Variants in DAB1 observed in about 807,000 individuals in gnomAD.
DAB1 encodes DAB adaptor protein 1.
Under a neutral mutation model 64.6 loss-of-function variants are expected in DAB1, and 15 were observed. The observed-to-expected ratio is 0.23, with a 90% CI of 0.16 to 0.36. The LOEUF (loss-of-function observed/expected upper bound fraction) is 0.36, where lower values mean the gene tolerates loss of function less well. Ranked by LOEUF, DAB1 falls within the 10% of genes least tolerant of loss-of-function variation. The pLI, the probability that DAB1 is intolerant of heterozygous loss-of-function variation, is 1.00. For missense variants in DAB1, 596 were observed against 706.7 expected (o/e 0.84, Z 1.78); for synonymous variants, 235 against 251.9 (o/e 0.93, Z 0.64).
At chr1:57,285,608 C>T (rs937835634) in intron 2 of DAB1, among the ~76,000 whole-genome samples, 1 of 152,118 alleles carries the variant, frequency 6.6e-6, no homozygotes, top group Admixed American at 6.6e-5. Context: ...AATATTCACA[C>T]ACACATAAAA....
chr1:57,443,478 A>C (rs1210535958), intron 7 of DAB1, among the ~76,000 whole-genome samples: 1 of 152,158 alleles, frequency 6.6e-6, no homozygotes, highest in Non-Finnish European at 1.5e-5. Flanking sequence ...ATCTTCATGA[A>C]ATGACCTTCC....
At chr1:57,221,268 G>A (rs573098166) in intron 2 of DAB1, among the ~76,000 whole-genome samples, 1 of 151,842 alleles carries the variant, frequency 6.6e-6, no homozygotes, top group East Asian at 1.9e-4. Context: ...GATGGGGGAG[G>A]GATAGCATTA....
At chr1:57,689,104 C>T (rs532421332) in intron 6 of DAB1, among the ~76,000 whole-genome samples, 19 of 152,200 alleles carry the variant, frequency 1.2e-4, no homozygotes, top group Admixed American at 9.8e-4. Flanking sequence ...GAAAGCAAAA[C>T]ATTTTGAGGG....
intron 4 of DAB1, among the ~76,000 whole-genome samples, chr1:58,246,905 G>A (rs557656958): frequency 4.7e-4 from 72 of 151,832 alleles, no homozygotes; most frequent in Admixed American, 1.6e-3. Context: ...GTGTGTGTAC[G>A]GTGTGAGCAT....
At chr1:57,027,486 C>A (rs1646829596) in intron 9 of DAB1, among the ~76,000 whole-genome samples, 1 of 152,230 alleles carries the variant, frequency 6.6e-6, no homozygotes. Context: ...GTCTACCTTT[C>A]TTTACCCACA....
At chr1:57,679,459 T>C (rs6696405) in intron 6 of DAB1, among the ~76,000 whole-genome samples, 2,056 of 152,336 alleles carry the variant, frequency 0.013, 66 homozygotes, top group African/African-American at 0.047. Context: ...CTCTTCATCA[T>C]CTTTAGCCAC....
intron 7 of DAB1, among the ~76,000 whole-genome samples, chr1:57,520,861 A>G (rs1431511772): frequency 6.6e-6 from 1 of 152,050 alleles, no homozygotes; most frequent in Non-Finnish European, 1.5e-5. Flanking sequence ...TCCTTGAGCT[A>G]AGTTTTGGCA....
At position 58,275,065 on chromosome 1, in the gene DAB1, G is replaced by A. The variant is rs935090281; in HGVS notation, n.309+68287C>T. Among the ~76,000 whole-genome samples, 7 of 152,318 alleles carry A rather than the reference G, an allele frequency of 4.6e-5. No individual in the cohort carries two copies. In the East Asian group the frequency reaches 1.4e-3, roughly 29 times the overall value. ...AAATGATTTTTAACAAAGGTGCCAA[G>A]AACACTTAATAAGGAGAGGACAATC... On this transcript the variant is annotated intron_variant and non_coding_transcript_variant, in intron 4 of 20. Transcript: ENST00000485760.
chr1:57,824,015 G>C (rs1652238604), downstream of DAB1, among the ~76,000 whole-genome samples: 1 of 152,168 alleles, frequency 6.6e-6, no homozygotes, highest in Non-Finnish European at 1.5e-5. Flanking sequence ...ATAATGTGCT[G>C]CTGATGATAA....
chr1:58,345,621 T>C (rs1643987949), intron 3 of DAB1, among the ~76,000 whole-genome samples: 1 of 152,080 alleles, frequency 6.6e-6, no homozygotes, highest in Admixed American at 6.5e-5. Flanking sequence ...ACGGGAAGAT[T>C]TGCATGACTG....
rs200507029 is a variant in DAB1 at position 58,452,129 on chromosome 1, TC to T, written n.257+53930del. Among the ~76,000 whole-genome samples, 1,125 of 152,042 alleles carry T rather than the reference TC, an allele frequency of 7.4e-3. 19 individuals carry two copies. The highest frequency in any genetic ancestry group is 0.03 in the East Asian group (153 of 5,140). ...TGTGTTTTTAGTTGAGAGGGGGGTTTCGCCACGTTGGTCAGGCTGGTCTCGA... is the reference window on the plus strand; with the variant it reads ...TGTGTTTTTAGTTGAGAGGGGGGTTTGCCACGTTGGTCAGGCTGGTCTCGA... On this transcript the variant is annotated intron_variant and non_coding_transcript_variant, in intron 3 of 20. Coordinates refer to the DAB1 transcript ENST00000485760.
chr1:57,779,422 G>A (rs1210053761), intron 6 of DAB1, among the ~76,000 whole-genome samples: 2 of 152,124 alleles, frequency 1.3e-5, no homozygotes, highest in African/African-American at 4.8e-5. Context: ...GAGCTGCAGA[G>A]GCCAAACTTA....
At chr1:57,258,825 G>C (rs1326211583) in intron 2 of DAB1, among the ~76,000 whole-genome samples, 1 of 152,098 alleles carries the variant, frequency 6.6e-6, no homozygotes, top group Non-Finnish European at 1.5e-5. Context: ...CAATATGTCA[G>C]CATGATGTCA....
At chr1:57,783,112 T>TTC (rs1429874435) in intron 6 of DAB1, among the ~76,000 whole-genome samples, 3 of 143,550 alleles carry the variant, frequency 2.1e-5, no homozygotes, top group African/African-American at 7.7e-5. Context: ...TTTTCTTTTT[T>TTC]TTTTTTTTTT....
At chr1:58,248,199 C>G (rs1660640890) in intron 4 of DAB1, among the ~76,000 whole-genome samples, 1 of 152,178 alleles carries the variant, frequency 6.6e-6, no homozygotes. Flanking sequence ...TATCACCAGG[C>G]AGTCTTCCAG....
chr1:57,915,284 T>C (rs1420689467), intron 5 of DAB1, among the ~76,000 whole-genome samples: 1 of 152,220 alleles, frequency 6.6e-6, no homozygotes, highest in Non-Finnish European at 1.5e-5. Flanking sequence ...AATAAGCATG[T>C]ATTTTATAAT....
intron 3 of DAB1, among the ~76,000 whole-genome samples, chr1:58,502,790 C>T (rs1322416691): frequency 6.6e-6 from 1 of 152,138 alleles, no homozygotes; most frequent in Non-Finnish European, 1.5e-5. Flanking sequence ...TCACTTCAAC[C>T]ACTGAGTTAT....
chr1:57,895,655 A>T lies in DAB1; in HGVS notation n.388-11493T>A, dbSNP rs150627824. ...ACTCCCACATTTTAAACCTTTTTGT[A>T]TTCCTAGAATAATTCCTGGCACAGT... On this transcript the variant is annotated intron_variant and non_coding_transcript_variant, in intron 5 of 20. Transcript: ENST00000485760. 8.0e-3 allele frequency among the ~76,000 whole-genome samples: 1,211 copies of T among 152,280 alleles called. 14 individuals are homozygous for T. The highest frequency in any genetic ancestry group is 0.028 in the African/African-American group (1,175 of 41,544).
chr1:57,203,675 T>C (rs1665291912), intron 2 of DAB1, among the ~76,000 whole-genome samples: 1 of 152,200 alleles, frequency 6.6e-6, no homozygotes, highest in South Asian at 2.1e-4. Context: ...TTGGTGATAG[T>C]GCTCATTGCT....
Sources: allele counts gnomAD v4.1 joint callset (sites outside exome capture counted in the v4.1 genomes callset), GRCh38; gene constraint gnomAD v4.1.1; transcripts MANE v1.5; gene names NCBI Gene and HGNC (gene_info 2026-07-23, HGNC 2026-07-21).